The following HYOU1 variants were observed in gnomAD, a reference collection of about 807,000 sequenced individuals.
The protein encoded by HYOU1 is hypoxia up-regulated 1.
Under a neutral mutation model 120.5 loss-of-function variants are expected in HYOU1, and 40 were observed. The ratio of observed to expected loss-of-function variants is 0.33; its 90% CI spans 0.26 to 0.43. HYOU1 has a LOEUF of 0.43. Ranked by LOEUF, HYOU1 falls within the 20% of genes least tolerant of loss-of-function variation. HYOU1 has a pLI of 1.00. For synonymous variants in HYOU1, 501 were observed against 479.4 expected (o/e 1.05, Z -0.59); for missense variants, 1,085 against 1,278.3 (o/e 0.85, Z 2.31).
rs1160438089 is a variant in HYOU1 at position 119,055,660 on chromosome 11, G to A, written c.186-89C>T. Reference sequence around the variant, plus strand: ...ACACACATTTAACCACTCAGATGCCGAAGTCTGCTGTGGGCACTATGACTA... The same window carrying A: ...ACACACATTTAACCACTCAGATGCCAAAGTCTGCTGTGGGCACTATGACTA... On this transcript the variant is annotated intron_variant, in intron 3 of 25. Transcript: ENST00000617285. The surrounding 1 kb of genome is among the most constrained non-coding windows in gnomAD (Gnocchi z 4.0). 45 of 1,493,938 alleles carry A rather than the reference G, an allele frequency of 3.0e-5. No individual in the cohort carries two copies. Among genetic ancestry groups the A allele is most frequent in the Admixed American group, 1.0e-4 (6 of 59,818 alleles). 92.5% of individuals were successfully genotyped at this position (1,493,938 alleles called of 1,614,324 possible). A position where few individuals can be genotyped will look rare whatever the true frequency, so the allele number is the denominator to read the frequency against.
Position 119,051,908 on chromosome 11 carries a change from T to A in HYOU1, c.1249A>T (p.Met417Leu), listed in dbSNP as rs1241443647. The change falls in exon 12 of 26, where the codon ATG becomes TTG. Residue 417 changes from methionine to leucine, a missense_variant. Around this residue, in one of 4 missense-constraint regions of HYOU1, gnomAD observed 515 missense variants for 677.8 expected, o/e 0.76. Coordinates refer to ENST00000617285, the MANE Select transcript of HYOU1 (RefSeq NM_006389.5). This position sits in a 1 kb window ranked among gnomAD's most constrained non-coding sequence, Gnocchi z 4.2. The stretch of plus-strand genomic sequence containing the variant: ...GCAGCTGCCTGGTACACTGCCCCCA[T>A]GGCGGCTGCTTCATCTGCATTGATG... ...KNINADEAAA[M>L]GAVYQAAALS... 2 of 1,614,170 alleles carry A rather than the reference T, an allele frequency of 1.2e-6. No homozygotes were observed. The highest frequency in any genetic ancestry group is 8.5e-7 in the Non-Finnish European group (1 of 1,180,010).
intron 16 of HYOU1, 162 bp downstream of exon 16, chr11:119,049,394 G>T (rs2133572693): frequency 1.3e-6 from 2 of 1,566,528 alleles, no homozygotes; most frequent in East Asian, 4.7e-5. Flanking sequence ...AATGGGCCTT[G>T]GGAGCACCAG....
Position 119,055,605 on chromosome 11 carries a change from C to T in HYOU1, c.186-34G>A, listed in dbSNP as rs1247843257. On this transcript the variant is annotated intron_variant, in intron 3 of 25. Coordinates refer to ENST00000617285, the MANE Select transcript of HYOU1 (RefSeq NM_006389.5). The surrounding 1 kb of genome is among the most constrained non-coding windows in gnomAD (Gnocchi z 4.0). The stretch of plus-strand genomic sequence containing the variant: ...AAGAGATTTTGGGCCCAGGTGCCTG[C>T]AGCAGAAGGACTCAGAAGCCTCGAC... 4 of 1,588,332 alleles carry T rather than the reference C, an allele frequency of 2.5e-6. No individual in the cohort carries two copies. The highest frequency in any genetic ancestry group is 1.7e-4 in the Middle Eastern group (1 of 6,012).
intron 14 of HYOU1, among the ~76,000 whole-genome samples, chr11:119,050,066 C>T (rs1054934631): frequency 6.6e-6 from 1 of 152,162 alleles, no homozygotes; most frequent in African/African-American, 2.4e-5. Context: ...CTTCTCCACT[C>T]AATAACTGTA....
intron 15 of HYOU1, 44 bp from the exon 16 acceptor site, chr11:119,049,679 G>A: frequency 6.2e-7 from 1 of 1,607,994 alleles, no homozygotes; most frequent in Non-Finnish European, 8.5e-7. Context: ...GACCACAGCA[G>A]TGACTCCACC....
At chr11:119,049,956 C>G in intron 14 of HYOU1, 119 bp from the exon 15 acceptor site, 1 of 897,710 alleles carries the variant, frequency 1.1e-6, no homozygotes, top group Admixed American at 1.8e-5. Flanking sequence ...TAGTCTCTCA[C>G]CTGCCTTTTC....
At position 119,055,660 on chromosome 11, in the gene HYOU1, G is replaced by T; in HGVS notation, c.186-89C>A. 1 of 1,494,056 alleles carries T rather than the reference G, an allele frequency of 6.7e-7. No homozygotes were observed. Among genetic ancestry groups the T allele is most frequent in the South Asian group, 1.1e-5 (1 of 88,598 alleles). The allele number at this position is 1,494,056 out of a possible 1,614,324, so 92.5% of individuals were successfully genotyped here. ...ACACACATTTAACCACTCAGATGCC[G>T]AAGTCTGCTGTGGGCACTATGACTA... On this transcript the variant is annotated intron_variant, in intron 3 of 25. Transcript: ENST00000617285. This position sits in a 1 kb window ranked among gnomAD's most constrained non-coding sequence, Gnocchi z 4.0.
At position 119,045,814 on chromosome 11, in the gene HYOU1, T is replaced by A. The variant is rs2133545093; in HGVS notation, c.2905A>T (p.Thr969Ser). The A allele has an allele frequency of 6.2e-7, 1 of 1,612,596 alleles. No individual in the cohort carries two copies. Among genetic ancestry groups the A allele is most frequent in the Non-Finnish European group, 8.5e-7 (1 of 1,179,674 alleles). ...GGACCTCCTAACTCCAAAGGCTCAG[T>A]GTCTCCTGGCTCGGATCCTGCTTTG... ...KVETGSEPGD[T>S]EPLELGGPGA... The change falls in exon 25 of 26, where the codon ACT (threonine) becomes TCT (serine). Residue 969 changes from threonine to serine, a missense_variant. Transcript: ENST00000617285.
chr11:119,052,835 G>A lies in HYOU1; in HGVS notation c.795-6C>T, dbSNP rs1016814099. 4.4e-6 allele frequency: 7 copies of A among 1,607,962 alleles called. No homozygotes were observed. The highest frequency in any genetic ancestry group is 5.1e-6 in the Non-Finnish European group (6 of 1,176,922). On this transcript the variant is annotated splice_polypyrimidine_tract_variant and splice_region_variant and intron_variant, in intron 8 of 25. Coordinates refer to ENST00000617285, the MANE Select transcript of HYOU1 (RefSeq NM_006389.5). The surrounding 1 kb of genome is among the most constrained non-coding windows in gnomAD (Gnocchi z 5.0). ...CCCCCAGGGTACGGTCAAATCTGTT[G>A]AGAAAAGGGAGCAGGGAAAAAAGTG...
chr11:119,053,127 A>G (rs1440508754), intron 8 of HYOU1: 1 of 345,352 alleles, frequency 2.9e-6, no homozygotes, highest in Admixed American at 4.4e-5. Flanking sequence ...TGCTATGGAA[A>G]AGTTGAATAA....
rs782560327 is a variant in HYOU1, at chr11:119,045,066, T to G, written c.*527A>C. 2.3e-6 allele frequency: 1 copy of G among 444,224 alleles called. No individual in the cohort carries two copies. Among genetic ancestry groups the G allele is most frequent in the South Asian group, 1.6e-5 (1 of 64,272 alleles). The allele number at this position is 444,224 out of a possible 1,614,324, so 27.5% of individuals were successfully genotyped here. On this transcript the variant is annotated 3_prime_UTR_variant, in exon 26 of 26. Coordinates refer to ENST00000617285, the MANE Select transcript of HYOU1 (RefSeq NM_006389.5). ...CTGGATGGGAATGGGGAAGGGAGGC[T>G]CAGAGCAAGAGAAGCCCGCAGAGGG...
At chr11:119,046,843 G>A (rs74620485) in intron 22 of HYOU1, 41 bp from the exon 23 acceptor site, 11 of 1,591,044 alleles carry the variant, frequency 6.9e-6, no homozygotes, top group Non-Finnish European at 9.4e-6. Flanking sequence ...TAGCCATGGA[G>A]AGAGCAGACA....
In HYOU1 at chr11:119,048,816, T is replaced by A; in HGVS notation, c.2063A>T (p.Lys688Met). Residue 688 changes from lysine to methionine, a missense_variant, in exon 18 of 26, where the codon AAG becomes ATG. Physicochemically the swap from Lys to Met is moderately conservative, Grantham distance 95. This residue lies in a region of HYOU1 where 516 missense variants were observed against 517.1 expected (regional missense o/e 1.00). Coordinates refer to ENST00000617285, the MANE Select transcript of HYOU1 (RefSeq NM_006389.5). The surrounding 1 kb of genome is among the most constrained non-coding windows in gnomAD (Gnocchi z 4.7). ...TACCATTCGCCGCTTCCTGGCGGGC[T>A]TCTGCTTCTTCTCTCCCTCTGGGGC... is the stretch of plus-strand genomic sequence containing the variant. The part of the protein sequence containing the change: ...APAPEGEKKQ[K>M]PARKRRMVEE... 3 of 1,614,124 alleles carry A rather than the reference T, an allele frequency of 1.9e-6. No individual in the cohort carries two copies. The highest frequency in any genetic ancestry group is 2.5e-6 in the Non-Finnish European group (3 of 1,180,012).
Position 119,051,272 on chromosome 11 carries a change from C to T in HYOU1, c.1527-99G>A. The T allele has an allele frequency of 3.2e-6, 5 of 1,545,758 alleles. No individual in the cohort carries two copies. The South Asian group carries it at 4.8e-5, about 15-fold the overall frequency. ...TGGCACAAGGTGTCAGGGGCACTCCCCAAGGGCACACTCAAGAGGACGGAT... is the reference window on the plus strand; with the variant it reads ...TGGCACAAGGTGTCAGGGGCACTCCTCAAGGGCACACTCAAGAGGACGGAT... On this transcript the variant is annotated intron_variant, in intron 13 of 25. Coordinates refer to ENST00000617285, the MANE Select transcript of HYOU1 (RefSeq NM_006389.5). The surrounding 1 kb of genome is among the most constrained non-coding windows in gnomAD (Gnocchi z 4.2).
At chr11:119,049,489 T>C in intron 16 of HYOU1, 67 bp downstream of exon 16, 1 of 1,580,316 alleles carries the variant, frequency 6.3e-7, no homozygotes, top group Non-Finnish European at 8.7e-7. Context: ...CTCACCCCCT[T>C]CCTCTGCGGC....
rs199746528 is a variant in HYOU1 at position 119,055,161 on chromosome 11, C to T, written c.419+24G>A. On this transcript the variant is annotated intron_variant, in intron 5 of 25. Transcript: ENST00000617285. The surrounding 1 kb of genome is among the most constrained non-coding windows in gnomAD (Gnocchi z 4.0). The stretch of plus-strand genomic sequence containing the variant: ...AGGAGCCCAGCAGCGTTGCCGAGAC[C>T]ACCTTCCCCAACAGAGCACTCACGA... 9.2e-5 allele frequency: 149 copies of T among 1,611,210 alleles called. 1 individual carries two copies. The highest frequency in any genetic ancestry group is 1.2e-4 in the Non-Finnish European group (142 of 1,177,980).
intron 24 of HYOU1, 63 bp from the exon 25 acceptor site, chr11:119,045,894 G>A: frequency 1.3e-6 from 2 of 1,545,308 alleles, no homozygotes; most frequent in Non-Finnish European, 1.8e-6. Context: ...GGAAGGCTGG[G>A]CCAGTTTTTC....
At position 119,055,475 on chromosome 11, in the gene HYOU1, G is replaced by A. The variant is rs1944699903; in HGVS notation, c.264+18C>T. The stretch of plus-strand genomic sequence containing the variant: ...TCTCCTCTGCCCACCACTCTGGGAA[G>A]AGGGACTGCTAGCTCACCATGCTTG... On this transcript the variant is annotated intron_variant, in intron 4 of 25. Transcript: ENST00000617285. The surrounding 1 kb of genome is among the most constrained non-coding windows in gnomAD (Gnocchi z 4.0). The A allele has an allele frequency of 1.9e-6, 3 of 1,612,970 alleles. No individual in the cohort carries two copies. Among genetic ancestry groups the A allele is most frequent in the Non-Finnish European group, 2.5e-6 (3 of 1,179,002 alleles).
In HYOU1 at chr11:119,054,594, C is replaced by G; in HGVS notation, c.578G>C (p.Arg193Pro). The G allele has an allele frequency of 1.2e-6, 2 of 1,614,148 alleles. No individual in the cohort carries two copies. Among genetic ancestry groups the G allele is most frequent in the Non-Finnish European group, 1.7e-6 (2 of 1,180,020 alleles). Residue 193 changes from arginine (R) to proline (P), a missense_variant, in exon 7 of 26, where the codon CGT becomes CCT. By Grantham distance (103) the Arg-to-Pro change is moderately radical. Coordinates refer to ENST00000617285, the MANE Select transcript of HYOU1 (RefSeq NM_006389.5). ...CTGCAGCACTTTGAGGCCAGCCATA[C>G]GAGCAGCCTGCAGCACAGCTCGGCG... ...AERRAVLQAA[R>P]MAGLKVLQLI...
Sources: allele counts gnomAD v4.1 joint callset (sites outside exome capture counted in the v4.1 genomes callset), GRCh38; gene constraint gnomAD v4.1.1; regional missense constraint gnomAD v4.1.1; non-coding constraint Gnocchi (gnomAD v3.1); transcripts MANE v1.5; gene names NCBI Gene and HGNC (gene_info 2026-07-23, HGNC 2026-07-21).